Variants in LDLRAD3 observed in about 807,000 individuals in gnomAD.
LDLRAD3 encodes the protein low density lipoprotein receptor class A domain containing 3.
Under a neutral mutation model 29.4 loss-of-function variants are expected in LDLRAD3, and 20 were observed. That is an observed-to-expected ratio of 0.68 (90% CI 0.48 to 0.99). The LOEUF (loss-of-function observed/expected upper bound fraction) is 0.99, where lower values mean the gene tolerates loss of function less well. Ranked by LOEUF, LDLRAD3 falls within the 50% of genes least tolerant of loss-of-function variation. The pLI is 0.00. For synonymous variants in LDLRAD3, 157 were observed against 192.7 expected (o/e 0.81, Z 1.53); for missense variants, 420 against 454.3 (o/e 0.92, Z 0.69).
chr11:36,138,648 G>A (rs771653637), intron 4 of LDLRAD3, among the ~76,000 whole-genome samples: 3 of 152,192 alleles, frequency 2.0e-5, no homozygotes, highest in African/African-American at 4.8e-5. Context: ...GCTGCATTTT[G>A]GTGACAGATT....
chr11:35,979,435 G>A (rs183459277), intron 1 of LDLRAD3, among the ~76,000 whole-genome samples: 1 of 152,326 alleles, frequency 6.6e-6, no homozygotes, highest in African/African-American at 2.4e-5. Flanking sequence ...TTGGCCACAG[G>A]ATATTTATTG....
intron 2 of LDLRAD3, among the ~76,000 whole-genome samples, chr11:36,059,954 G>A (rs1852673188): frequency 6.6e-6 from 1 of 152,202 alleles, no homozygotes; most frequent in South Asian, 2.1e-4. Context: ...ATGTAATGGA[G>A]ACTAAAAAGT....
intron 4 of LDLRAD3, among the ~76,000 whole-genome samples, chr11:36,117,779 T>C (rs1853695173): frequency 6.6e-6 from 1 of 152,224 alleles, no homozygotes; most frequent in Non-Finnish European, 1.5e-5. Context: ...TGGTGGCTTC[T>C]CCGCTATGCC....
At position 36,013,288 on chromosome 11, in the gene LDLRAD3, T is replaced by C. The variant is rs570987607; in HGVS notation, c.47-22815T>C. On this transcript the variant is annotated intron_variant, in intron 1 of 5. Transcript: ENST00000315571. ...GGACTTTGAAGGAATGATGTCTGTT[T>C]CTTCTTCTTCTTTTTTTTTACTTTA... Among the ~76,000 whole-genome samples the C allele has an allele frequency of 2.2e-3, 329 of 150,520 alleles. 2 individuals carry two copies. Among genetic ancestry groups the C allele is most frequent in the Middle Eastern group, 6.8e-3 (2 of 294 alleles).
At chr11:36,112,816 G>A (rs1234549945) in intron 4 of LDLRAD3, among the ~76,000 whole-genome samples, 2 of 152,214 alleles carry the variant, frequency 1.3e-5, no homozygotes, top group African/African-American at 4.8e-5. Context: ...AAAGAGAGAT[G>A]GAGAGAGTAT....
At position 36,081,730 on chromosome 11, in the gene LDLRAD3, T is replaced by G. The variant is rs760035178; in HGVS notation, c.271T>G (p.Cys91Gly). 3 of 1,614,108 alleles carry G rather than the reference T, an allele frequency of 1.9e-6. No individual in the cohort carries two copies. The African/African-American group carries it at 4.0e-5, about 22-fold the overall frequency. The stretch of plus-strand genomic sequence containing the variant: ...CCATTGCATCATTGGTCGCTTCCGG[T>G]GCAATGGGTTTGAGGACTGTCCCGA... ...GIHCIIGRFR[C>G]NGFEDCPDGS... The change falls in exon 3 of 6, where the codon TGC (cysteine) becomes GGC (glycine). Residue 91 changes from cysteine (C) to glycine (G), a missense_variant. Cys to Gly is a radical substitution (Grantham distance 159). Coordinates refer to ENST00000315571, the MANE Select transcript of LDLRAD3 (RefSeq NM_174902.4).
At chr11:36,078,236 G>T (rs941252922) in intron 2 of LDLRAD3, among the ~76,000 whole-genome samples, 2 of 152,154 alleles carry the variant, frequency 1.3e-5, no homozygotes, top group Non-Finnish European at 2.9e-5. Flanking sequence ...TCAGGCCTCA[G>T]GCCTTCCCTG....
At chr11:35,999,944 G>C (rs945256321) in intron 1 of LDLRAD3, among the ~76,000 whole-genome samples, 1 of 152,156 alleles carries the variant, frequency 6.6e-6, no homozygotes, top group Non-Finnish European at 1.5e-5. Context: ...GCTCATTGCA[G>C]GTCTGTCTGC....
intron 2 of LDLRAD3, among the ~76,000 whole-genome samples, chr11:36,063,341 C>T (rs886509388): frequency 2.0e-5 from 3 of 152,138 alleles, no homozygotes; most frequent in Non-Finnish European, 2.9e-5. Context: ...CAATTTATTG[C>T]GACTATCTAA....
At chr11:35,975,281 C>A (rs910624665) in intron 1 of LDLRAD3, among the ~76,000 whole-genome samples, 1 of 152,228 alleles carries the variant, frequency 6.6e-6, no homozygotes, top group African/African-American at 2.4e-5. Context: ...TCTGGCCACA[C>A]CACTGCTTCT....
intron 2 of LDLRAD3, among the ~76,000 whole-genome samples, chr11:36,072,321 G>T (rs1418808101): frequency 6.6e-6 from 1 of 152,350 alleles, no homozygotes; most frequent in African/African-American, 2.4e-5. Flanking sequence ...TGCAGCCTCT[G>T]TCCAGCTCTT....
intron 1 of LDLRAD3, among the ~76,000 whole-genome samples, chr11:36,015,519 T>C (rs978491859): frequency 1.3e-5 from 2 of 152,102 alleles, no homozygotes; most frequent in Non-Finnish European, 2.9e-5. Context: ...TTAACGCACA[T>C]ACCGAAGAGC....
chr11:36,078,974 G>A (rs1853064445), intron 2 of LDLRAD3, among the ~76,000 whole-genome samples: 2 of 152,202 alleles, frequency 1.3e-5, no homozygotes, highest in South Asian at 4.1e-4. Context: ...ACAGCGGAGA[G>A]CGAGGTTAAG....
chr11:35,989,916 T>C (rs1851666569), intron 1 of LDLRAD3, among the ~76,000 whole-genome samples: 1 of 152,170 alleles, frequency 6.6e-6, no homozygotes, highest in Admixed American at 6.5e-5. Flanking sequence ...GCCTGATTGC[T>C]CTGCTAAGAC....
At chr11:36,000,865 G>T (rs1851815129) in intron 1 of LDLRAD3, among the ~76,000 whole-genome samples, 1 of 152,116 alleles carries the variant, frequency 6.6e-6, no homozygotes, top group Non-Finnish European at 1.5e-5. Context: ...CAGCAGAGTG[G>T]GTTGAGAGCC....
intron 4 of LDLRAD3, among the ~76,000 whole-genome samples, chr11:36,191,612 ACACACACACACG>A (rs1217834503): frequency 8.3e-6 from 1 of 120,818 alleles, no homozygotes; most frequent in Non-Finnish European, 1.7e-5. Context: ...ACACACACAC[ACACACACACACG>A]CACGCACGCA....
intron 2 of LDLRAD3, among the ~76,000 whole-genome samples, chr11:36,050,910 T>G (rs1852517338): frequency 6.6e-6 from 1 of 152,138 alleles, no homozygotes; most frequent in South Asian, 2.1e-4. Flanking sequence ...TGGACAGCCG[T>G]CTTCTCACTG....
intron 1 of LDLRAD3, among the ~76,000 whole-genome samples, chr11:35,976,364 G>A (rs190596406): frequency 2.0e-5 from 3 of 152,236 alleles, no homozygotes; most frequent in Non-Finnish European, 4.4e-5. Flanking sequence ...ATCTTGGTGG[G>A]AAAGGAGGGT....
chr11:35,979,323 A>G (rs1391537816), intron 1 of LDLRAD3, among the ~76,000 whole-genome samples: 1 of 152,082 alleles, frequency 6.6e-6, no homozygotes, highest in Non-Finnish European at 1.5e-5. Context: ...GTGCAAAAAA[A>G]CACTTAGCTG....
Sources: gnomAD v4.1 joint callset for allele counts (sites outside exome capture counted in the v4.1 genomes callset) on GRCh38, gnomAD v4.1.1 for gene constraint, MANE v1.5 for transcripts, NCBI Gene and HGNC (gene_info 2026-07-23, HGNC 2026-07-21) for gene names.